EYS: variants seen among roughly 807,000 people sequenced by gnomAD.
EYS encodes EGF-like photoreceptor maintenance factor.
Under a neutral mutation model 282.1 loss-of-function variants are expected in EYS, and 250 were observed. The ratio of observed to expected loss-of-function variants is 0.89; its 90% CI spans 0.80 to 0.98. EYS has a LOEUF of 0.98. Ranked by LOEUF, EYS falls within the 50% of genes least tolerant of loss-of-function variation. The probability of loss-of-function intolerance (pLI) is 0.00; values close to 1 mark genes in which losing one functional copy is unlikely to be tolerated. For missense variants in EYS, 4,016 were observed against 3,709.0 expected, an observed-to-expected ratio of 1.08 and a Z score of -2.15; for synonymous variants, 1,355 against 1,282.9, an observed-to-expected ratio of 1.06 and a Z score of -1.20.
At chr6:65,436,045 C>G (rs1280053763) in intron 5 of EYS, among the ~76,000 whole-genome samples, 2 of 151,830 alleles carry the variant, frequency 1.3e-5, no homozygotes, top group African/African-American at 4.8e-5. Context: ...TACGATTGTC[C>G]TAACAAATCA....
intron 33 of EYS, among the ~76,000 whole-genome samples, chr6:64,006,167 C>T (rs1011177024): frequency 1.3e-5 from 2 of 151,966 alleles, no homozygotes; most frequent in African/African-American, 4.8e-5. Flanking sequence ...TGTAATTCTC[C>T]TTGTAGGGAT....
chr6:64,599,472 T>C (rs1766696461), intron 24 of EYS, among the ~76,000 whole-genome samples: 1 of 152,082 alleles, frequency 6.6e-6, no homozygotes, highest in Non-Finnish European at 1.5e-5. Context: ...ATCAATAAAA[T>C]AGAAATAAAA....
intron 41 of EYS, among the ~76,000 whole-genome samples, chr6:63,739,994 G>A (rs116915019): frequency 0.018 from 2,792 of 151,874 alleles, 95 homozygotes; most frequent in East Asian, 0.084. Context: ...CACCATGCCC[G>A]GCAGAAAGTA....
At chr6:65,681,689 C>T (rs1015253886) in intron 1 of EYS, among the ~76,000 whole-genome samples, 2 of 151,912 alleles carry the variant, frequency 1.3e-5, no homozygotes, top group Non-Finnish European at 2.9e-5. Context: ...ATATCATTCT[C>T]CTGTCCTCTG....
Position 65,002,662 on chromosome 6 carries a change from G to C in EYS, c.2138-4959C>G, listed in dbSNP as rs1771501343. 1.4e-5 allele frequency among the ~76,000 whole-genome samples: 2 copies of C among 147,414 alleles called. 1 individual carries two copies. The highest frequency in any genetic ancestry group is 3.0e-5 in the Non-Finnish European group (2 of 65,944). On this transcript the variant is annotated intron_variant, in intron 13 of 42. Coordinates refer to ENST00000503581, the MANE Select transcript of EYS (RefSeq NM_001142800.2). ...ATAACATAACTTTCTATTGAAATGA[G>C]GTTTTATATGTAATTTTAACTATTT... is the stretch of plus-strand genomic sequence containing the variant.
intron 12 of EYS, among the ~76,000 whole-genome samples, chr6:65,268,363 T>C (rs1767812148): frequency 6.6e-6 from 1 of 152,058 alleles, no homozygotes; most frequent in South Asian, 2.1e-4. Context: ...TTTGAAAAGA[T>C]CATGAATATT....
intron 35 of EYS, among the ~76,000 whole-genome samples, chr6:63,891,386 C>T (rs1015422671): frequency 1.8e-4 from 28 of 151,616 alleles, no homozygotes; most frequent in African/African-American, 3.6e-4. Context: ...AGCTTATCCA[C>T]GACCATCAAG....
In EYS at chr6:65,417,898, T is replaced by A. The variant is rs193057291; in HGVS notation, c.863-12531A>T. 9.3e-4 allele frequency among the ~76,000 whole-genome samples: 141 copies of A among 152,058 alleles called. 2 individuals are homozygous for A. In the East Asian group the frequency reaches 0.024, roughly 25 times the overall value. ...GGATTTAAGAAAGTACCTAAAAACA[T>A]GTAAATCATGCATAGAATACCAACA... On this transcript the variant is annotated intron_variant, in intron 5 of 42. Transcript: ENST00000503581.
At chr6:65,190,489 T>A (rs1449559431) in intron 12 of EYS, among the ~76,000 whole-genome samples, 3 of 151,508 alleles carry the variant, frequency 2.0e-5, no homozygotes, top group African/African-American at 7.3e-5. Flanking sequence ...CTAAGTGCCG[T>A]ACCTACTGTG....
At chr6:64,687,409 AT>A (rs1770195297) in intron 22 of EYS, among the ~76,000 whole-genome samples, 1 of 152,206 alleles carries the variant, frequency 6.6e-6, no homozygotes, top group Admixed American at 6.5e-5. Context: ...TACCTAATTC[AT>A]TGAGAGTTTT....
intron 2 of EYS, among the ~76,000 whole-genome samples, chr6:65,611,775 C>T (rs1035891697): frequency 6.6e-6 from 1 of 151,966 alleles, no homozygotes; most frequent in African/African-American, 2.4e-5. Context: ...AATAAAAGGG[C>T]CTCAAACCCA....
At chr6:64,926,986 A>G (rs1413939846) in intron 15 of EYS, among the ~76,000 whole-genome samples, 1 of 152,184 alleles carries the variant, frequency 6.6e-6, no homozygotes, top group Non-Finnish European at 1.5e-5. Flanking sequence ...TCTGAAGTCA[A>G]AGAAGAATTT....
intron 35 of EYS, among the ~76,000 whole-genome samples, chr6:63,893,381 G>T (rs1334053727): frequency 6.6e-6 from 1 of 152,094 alleles, no homozygotes; most frequent in Non-Finnish European, 1.5e-5. Flanking sequence ...ATACACCATG[G>T]AATACTATGC....
At chr6:65,272,695 A>C (rs1767937672) in intron 12 of EYS, among the ~76,000 whole-genome samples, 1 of 152,176 alleles carries the variant, frequency 6.6e-6, no homozygotes, top group African/African-American at 2.4e-5. Context: ...CATATATATA[A>C]ATGTCATTCT....
At chr6:65,197,296 G>T (rs1341194882) in intron 12 of EYS, among the ~76,000 whole-genome samples, 1 of 151,992 alleles carries the variant, frequency 6.6e-6, no homozygotes, top group African/African-American at 2.4e-5. Flanking sequence ...TTAGACAAAA[G>T]GTGGAAGCTA....
intron 12 of EYS, among the ~76,000 whole-genome samples, chr6:65,113,162 G>A (rs1775263478): frequency 6.6e-6 from 1 of 151,988 alleles, no homozygotes; most frequent in South Asian, 2.1e-4. Flanking sequence ...TTTTGAAAAT[G>A]GCCCATCTCT....
intron 2 of EYS, among the ~76,000 whole-genome samples, chr6:65,583,903 C>T (rs1337686560): frequency 3.3e-5 from 5 of 151,774 alleles, no homozygotes; most frequent in African/African-American, 7.3e-5. Context: ...CCTAACATAT[C>T]TTATGAACAT....
rs113715977 is a variant in EYS, at chr6:65,344,488, G to A, written c.1460-311C>T. Among the ~76,000 whole-genome samples, 500 of 151,450 alleles carry A rather than the reference G, an allele frequency of 3.3e-3. 6 individuals are homozygous for A. The highest frequency in any genetic ancestry group is 0.012 in the African/African-American group (480 of 41,442). On this transcript the variant is annotated intron_variant, in intron 9 of 42. Coordinates refer to ENST00000503581, the MANE Select transcript of EYS (RefSeq NM_001142800.2). ...TAATTATAAGAAAGGATGGTAGAAC[G>A]ATAAAAAGAACACTGTCCTATAACA...
At chr6:64,472,651 T>G (rs909296268) in intron 26 of EYS, among the ~76,000 whole-genome samples, 9 of 152,106 alleles carry the variant, frequency 5.9e-5, no homozygotes, top group African/African-American at 2.2e-4. Flanking sequence ...ATGTATTACC[T>G]CAATAGAAGG....
Sources: gnomAD v4.1 joint callset for allele counts (sites outside exome capture counted in the v4.1 genomes callset) on GRCh38, gnomAD v4.1.1 for gene constraint, MANE v1.5 for transcripts, NCBI Gene and HGNC (gene_info 2026-07-23, HGNC 2026-07-21) for gene names.